The following CTNNA1 variants were observed in gnomAD, a reference collection of about 807,000 sequenced individuals.
CTNNA1 encodes the protein catenin alpha-1.
CTNNA1 carries 37 observed loss-of-function variants against 98.4 expected under a neutral mutation model. That is an observed-to-expected ratio of 0.38 (90% CI 0.29 to 0.49). The LOEUF (loss-of-function observed/expected upper bound fraction) is 0.49, where lower values mean the gene tolerates loss of function less well. Ranked by LOEUF, CTNNA1 falls within the 20% of genes least tolerant of loss-of-function variation. CTNNA1 has a pLI of 0.95. For synonymous variants in CTNNA1, 404 were observed against 413.2 expected, an observed-to-expected ratio of 0.98 and a Z score of 0.27; for missense variants, 761 against 1,147.2, an observed-to-expected ratio of 0.66 and a Z score of 4.86.
intron 5 of CTNNA1, among the ~76,000 whole-genome samples, chr5:138,820,808 G>T (rs1478071708): frequency 6.6e-6 from 1 of 152,148 alleles, no homozygotes; most frequent in African/African-American, 2.4e-5. Flanking sequence ...TAAACCCTTT[G>T]TAAACATAAA....
At chr5:138,879,735 A>T (rs1388049579) in intron 7 of CTNNA1, among the ~76,000 whole-genome samples, 1 of 152,208 alleles carries the variant, frequency 6.6e-6, no homozygotes, top group Admixed American at 6.5e-5. Flanking sequence ...CTGGGATTAC[A>T]GGTGTCAACC....
chr5:138,781,014 A>C (rs1340059144), intron 1 of CTNNA1, among the ~76,000 whole-genome samples: 6 of 152,204 alleles, frequency 3.9e-5, no homozygotes, highest in Non-Finnish European at 7.3e-5. Flanking sequence ...TTCTCTTGAC[A>C]CTGATACAGT....
chr5:138,916,994 G>A (rs999605430), intron 10 of CTNNA1, among the ~76,000 whole-genome samples: 1 of 151,932 alleles, frequency 6.6e-6, no homozygotes, highest in Non-Finnish European at 1.5e-5. Context: ...GGCTGGTCTC[G>A]AACTCCAGAC....
intron 7 of CTNNA1, chr5:138,870,943 G>A (rs1460083182): frequency 2.0e-5 from 3 of 152,126 alleles, no homozygotes; most frequent in African/African-American, 4.8e-5. Context: ...CTCACCACTC[G>A]AGATCAACTG....
At chr5:138,806,003 C>A (rs1758046188) in intron 3 of CTNNA1, among the ~76,000 whole-genome samples, 1 of 152,078 alleles carries the variant, frequency 6.6e-6, no homozygotes, top group South Asian at 2.1e-4. Flanking sequence ...CCAGTGTTAT[C>A]TTCTAAGTGT....
chr5:138,781,775 G>T, intron 1 of CTNNA1, 148 bp from the exon 2 acceptor site: 1 of 610,692 alleles, frequency 1.6e-6, no homozygotes, highest in East Asian at 3.1e-5. Flanking sequence ...AGGTTTACTG[G>T]GTCTTCATGT....
chr5:138,796,274 C>T (rs1756958025), intron 3 of CTNNA1, among the ~76,000 whole-genome samples: 2 of 152,102 alleles, frequency 1.3e-5, no homozygotes, highest in Admixed American at 6.5e-5. Flanking sequence ...AAGTATGTAT[C>T]GGCTGGGTGC....
chr5:138,832,557 T>TAA (rs2149796619), intron 7 of CTNNA1, among the ~76,000 whole-genome samples: 1 of 152,332 alleles, frequency 6.6e-6, no homozygotes, highest in East Asian at 1.9e-4. Flanking sequence ...GAAATGTAAT[T>TAA]AAATTTGAAA....
chr5:138,904,324 T>A (rs775258226), intron 9 of CTNNA1, 25 bp from the exon 10 acceptor site: 2 of 1,602,798 alleles, frequency 1.2e-6, no homozygotes, highest in East Asian at 4.5e-5. Context: ...GAAAAATCTT[T>A]AAAGATTATT....
At chr5:138,932,834 A>T in intron 17 of CTNNA1, 122 bp downstream of exon 17, 1 of 1,257,786 alleles carries the variant, frequency 8.0e-7, no homozygotes, top group Non-Finnish European at 1.2e-6. Flanking sequence ...AGAAACTCCA[A>T]GTCCTGTCCC....
chr5:138,929,389 G>A, intron 14 of CTNNA1, 33 bp downstream of exon 14: 1 of 1,090,286 alleles, frequency 9.2e-7, no homozygotes, highest in East Asian at 2.4e-5. Context: ...AGTTCAGCTT[G>A]TGCTGCCGAC....
chr5:138,847,408 T>C (rs1762821086), intron 7 of CTNNA1, among the ~76,000 whole-genome samples: 1 of 152,176 alleles, frequency 6.6e-6, no homozygotes, highest in Non-Finnish European at 1.5e-5. Context: ...CAAGTGATCC[T>C]CCTGCCTCAG....
intron 1 of CTNNA1, among the ~76,000 whole-genome samples, chr5:138,759,511 T>C (rs1418936200): frequency 6.6e-6 from 1 of 152,216 alleles, no homozygotes; most frequent in East Asian, 1.9e-4. Flanking sequence ...TGGGGGCCCT[T>C]GGCCCATTAA....
At chr5:138,910,423 T>G (rs982178396) in intron 10 of CTNNA1, among the ~76,000 whole-genome samples, 2 of 151,868 alleles carry the variant, frequency 1.3e-5, no homozygotes, top group South Asian at 4.1e-4. Context: ...GTTTTTTTAA[T>G]TCTTGAGTGA....
intron 7 of CTNNA1, chr5:138,880,696 A>G (rs546177712): frequency 7.0e-5 from 15 of 214,464 alleles, no homozygotes; most frequent in Middle Eastern, 1.9e-3. Context: ...CCAAGGGGCT[A>G]TACAAAGAAA....
chr5:138,774,398 G>C (rs533862757), intron 1 of CTNNA1, among the ~76,000 whole-genome samples: 2 of 152,178 alleles, frequency 1.3e-5, no homozygotes, highest in Admixed American at 1.3e-4. Flanking sequence ...TTAAAGTTGG[G>C]AGATTCCATG....
In CTNNA1 at chr5:138,933,956, C is replaced by T. The variant is rs1325475536; in HGVS notation, c.2588C>T (p.Ala863Val). ...NLPAVSWKMKAPEKKPLVKRE... is the reference protein window; with the variant it reads ...NLPAVSWKMKVPEKKPLVKRE... ...CCTGCTGTGTCATGGAAGATGAAGG[C>T]ACCAGAGAAAAAGCCATTGGTGAAG... is the stretch of plus-strand genomic sequence containing the variant. The change falls in exon 18 of 18, where the codon GCA becomes GTA. Residue 863 changes from alanine to valine, a missense_variant. By Grantham distance (64) the Ala-to-Val change is moderately conservative. This residue lies in a region of CTNNA1 where 57 missense variants were observed against 90.9 expected (regional missense o/e 0.63). Transcript: ENST00000302763. 1 of 1,614,118 alleles carries T rather than the reference C, an allele frequency of 6.2e-7. No individual in the cohort carries two copies. Among genetic ancestry groups the T allele is most frequent in the Non-Finnish European group, 8.5e-7 (1 of 1,180,030 alleles).
At chr5:138,852,205 G>C (rs963580308) in intron 7 of CTNNA1, among the ~76,000 whole-genome samples, 1 of 152,186 alleles carries the variant, frequency 6.6e-6, no homozygotes, top group African/African-American at 2.4e-5. Context: ...TTGAGTAATA[G>C]GGGTATGGAA....
intron 3 of CTNNA1, among the ~76,000 whole-genome samples, chr5:138,798,492 G>GT (rs1451811600): frequency 2.0e-5 from 3 of 151,916 alleles, no homozygotes; most frequent in Non-Finnish European, 2.9e-5. Flanking sequence ...CAAGCCTTTT[G>GT]TTTTTTTTAT....
Sources: allele counts gnomAD v4.1 joint callset (sites outside exome capture counted in the v4.1 genomes callset), GRCh38; gene constraint gnomAD v4.1.1; regional missense constraint gnomAD v4.1.1; transcripts MANE v1.5; gene names NCBI Gene and HGNC (gene_info 2026-07-23, HGNC 2026-07-21).